Variants in IL1RAPL1 observed in about 807,000 individuals in gnomAD.
IL1RAPL1 encodes interleukin-1 receptor accessory protein-like 1.
IL1RAPL1 carries 3 observed loss-of-function variants against 48.4 expected under a neutral mutation model. The observed-to-expected ratio is 0.06, with a 90% CI of 0.03 to 0.16. The LOEUF (loss-of-function observed/expected upper bound fraction) is 0.16. Among genes scored for constraint, IL1RAPL1 ranks in the 10% least tolerant of loss-of-function variants. IL1RAPL1 has a pLI of 1.00. For synonymous variants in IL1RAPL1, 185 were observed against 187.7 expected, an observed-to-expected ratio of 0.99 and a Z score of 0.12; for missense variants, 349 against 530.6, an observed-to-expected ratio of 0.66 and a Z score of 3.36.
intron 2 of IL1RAPL1, among the ~76,000 whole-genome samples, chrX:29,177,643 G>A (rs1345062822): frequency 8.1e-5 from 9 of 111,690 alleles, no homozygotes; most frequent in East Asian, 2.8e-4. Context: ...TGTGCACAAC[G>A]TGCAGGTTTG....
intron 2 of IL1RAPL1, among the ~76,000 whole-genome samples, chrX:28,947,533 T>A (rs943634254): frequency 1.3e-4 from 14 of 109,671 alleles, no homozygotes; most frequent in African/African-American, 4.6e-4. Flanking sequence ...AAGGGGAACA[T>A]CACACACCGG....
At chrX:29,221,447 C>T (rs768543675) in intron 2 of IL1RAPL1, among the ~76,000 whole-genome samples, 8 of 110,883 alleles carry the variant, frequency 7.2e-5, no homozygotes, top group Non-Finnish European at 1.1e-4. Flanking sequence ...CTCAGGAGAA[C>T]GAATCAACTG....
intron 2 of IL1RAPL1, among the ~76,000 whole-genome samples, chrX:29,035,095 C>CTGCTAATT (rs1423906411): frequency 2.7e-5 from 3 of 111,249 alleles, no homozygotes; most frequent in Non-Finnish European, 3.8e-5. Context: ...GTAGCTGGGA[C>CTGCTAATT]TGCTAATTTT....
intron 2 of IL1RAPL1, among the ~76,000 whole-genome samples, chrX:29,135,451 A>G (rs1929105448): frequency 8.9e-6 from 1 of 112,030 alleles, no homozygotes; most frequent in South Asian, 3.7e-4. Context: ...CTTAGAGGGC[A>G]TACCAGTGTA....
chrX:28,751,926 C>T (rs1486005034), intron 1 of IL1RAPL1, among the ~76,000 whole-genome samples: 3 of 110,761 alleles, frequency 2.7e-5, no homozygotes, highest in Admixed American at 9.7e-5. Flanking sequence ...GCTGTGTAAT[C>T]GCTGTGTGAC....
chrX:29,548,116 GC>G (rs1453699222), intron 5 of IL1RAPL1, among the ~76,000 whole-genome samples: 1 of 112,558 alleles, frequency 8.9e-6, no homozygotes, highest in Non-Finnish European at 1.9e-5. Flanking sequence ...AATTAGTGTT[GC>G]AAGTCTGGCA....
intron 2 of IL1RAPL1, among the ~76,000 whole-genome samples, chrX:29,029,211 C>T (rs1926561461): frequency 9.0e-6 from 1 of 111,380 alleles, no homozygotes; most frequent in Admixed American, 9.6e-5. Context: ...CCTCCCACGA[C>T]ATGTGGGGAT....
intron 5 of IL1RAPL1, among the ~76,000 whole-genome samples, chrX:29,440,662 C>T (rs1001429458): frequency 8.9e-6 from 1 of 111,982 alleles, no homozygotes; most frequent in Non-Finnish European, 1.9e-5. Context: ...ATTACCAAAA[C>T]AAAATAAAAG....
At chrX:29,752,557 A>G (rs1375488819) in intron 6 of IL1RAPL1, among the ~76,000 whole-genome samples, 1 of 110,355 alleles carries the variant, frequency 9.1e-6, no homozygotes, top group Non-Finnish European at 1.9e-5. Context: ...AAGTCATCAA[A>G]TCCACTTCCT....
At chrX:28,656,644 C>A (rs931580854) in intron 1 of IL1RAPL1, among the ~76,000 whole-genome samples, 1 of 111,693 alleles carries the variant, frequency 9.0e-6, no homozygotes, top group Non-Finnish European at 1.9e-5. Context: ...GAGAGGCCTT[C>A]GGTGACCTCT....
chrX:29,618,139 T>C (rs1161115497), intron 5 of IL1RAPL1, among the ~76,000 whole-genome samples: 2 of 111,626 alleles, frequency 1.8e-5, no homozygotes, highest in African/African-American at 6.5e-5. Context: ...ATCTAAAATA[T>C]AATAATAAGA....
chrX:29,651,704 T>A (rs1925523144), intron 5 of IL1RAPL1, among the ~76,000 whole-genome samples: 1 of 111,660 alleles, frequency 9.0e-6, no homozygotes, highest in Non-Finnish European at 1.9e-5. Flanking sequence ...TGATCTATTG[T>A]GCAGCATGAT....
chrX:28,911,272 G>A (rs1923352527), intron 2 of IL1RAPL1, among the ~76,000 whole-genome samples: 1 of 111,366 alleles, frequency 9.0e-6, no homozygotes, highest in Non-Finnish European at 1.9e-5. Context: ...CATAAATAAA[G>A]CTTTTTTTTC....
chrX:29,079,175 TATTA>T (rs1247166791), intron 2 of IL1RAPL1, among the ~76,000 whole-genome samples: 2 of 111,407 alleles, frequency 1.8e-5, no homozygotes, highest in Non-Finnish European at 3.8e-5. Flanking sequence ...TTTGAGGGCC[TATTA>T]TGGGGGGCAT....
chrX:29,379,247 T>C (rs940425925), intron 3 of IL1RAPL1, among the ~76,000 whole-genome samples: 1 of 112,353 alleles, frequency 8.9e-6, no homozygotes, highest in Non-Finnish European at 1.9e-5. Flanking sequence ...CATGTATACA[T>C]TCCTGTGTGG....
intron 2 of IL1RAPL1, among the ~76,000 whole-genome samples, chrX:29,201,509 A>T (rs1930554145): frequency 9.0e-6 from 1 of 111,609 alleles, no homozygotes; most frequent in South Asian, 3.7e-4. Flanking sequence ...TTAAGTCATA[A>T]TATAAAGAGT....
intron 2 of IL1RAPL1, among the ~76,000 whole-genome samples, chrX:28,949,485 CACACTACA>C (rs1403995738): frequency 1.8e-5 from 2 of 111,549 alleles, no homozygotes; most frequent in East Asian, 5.7e-4. Flanking sequence ...TGGCTATTTT[CACACTACA>C]ACAGAGTTGA....
intron 2 of IL1RAPL1, among the ~76,000 whole-genome samples, chrX:29,027,587 A>G (rs1039763226): frequency 1.1e-4 from 12 of 111,770 alleles, no homozygotes; most frequent in African/African-American, 3.9e-4. Context: ...TGGTAAGAGT[A>G]TATATATTTT....
chrX:29,866,789 G>A (rs963196366), intron 6 of IL1RAPL1, among the ~76,000 whole-genome samples: 9 of 108,256 alleles, frequency 8.3e-5, no homozygotes, highest in African/African-American at 2.0e-4. Context: ...CAGAACTCGA[G>A]CTCTCACCAC....
Sources: gnomAD v4.1 joint callset for allele counts (sites outside exome capture counted in the v4.1 genomes callset) on GRCh38, gnomAD v4.1.1 for gene constraint, MANE v1.5 for transcripts, NCBI Gene and HGNC (gene_info 2026-07-23, HGNC 2026-07-21) for gene names.